The following UGT2A1 variants were observed in gnomAD, a reference collection of about 807,000 sequenced individuals.
UGT2A1 encodes the protein UDP-glucuronosyltransferase 2A1.
UGT2A1 carries 61 observed loss-of-function variants against 45.4 expected under a neutral mutation model. That is an observed-to-expected ratio of 1.34 (90% confidence interval 1.09 to 1.66). The LOEUF (loss-of-function observed/expected upper bound fraction) is 1.66, where lower values mean the gene tolerates loss of function less well. Ranked by LOEUF, UGT2A1 falls within the 40% of genes most tolerant of loss-of-function variation. UGT2A1 has a pLI of 0.00. For missense variants in UGT2A1, 649 were observed against 574.3 expected (o/e 1.13, Z -1.33); for synonymous variants, 229 against 196.2 (o/e 1.17, Z -1.40).
intron 3 of UGT2A1, 85 bp from the exon 4 acceptor site, chr4:69,599,479 T>A (rs566140671): frequency 1.2e-4 from 191 of 1,565,438 alleles, no homozygotes; most frequent in Middle Eastern, 6.9e-4. Flanking sequence ...AATTTCCTGA[T>A]AAGCTGTTAA....
chr4:69,646,835 A>C, intron 2 of UGT2A1, 95 bp downstream of exon 2: 1 of 846,842 alleles, frequency 1.2e-6, no homozygotes, highest in Non-Finnish European at 1.8e-6. Context: ...CAATACTTGG[A>C]ATTAAAAAAG....
At chr4:69,613,966 G>A (rs1720217503) in intron 3 of UGT2A1, among the ~76,000 whole-genome samples, 2 of 152,014 alleles carry the variant, frequency 1.3e-5, no homozygotes, top group Non-Finnish European at 2.9e-5. Flanking sequence ...CATAGTAGTA[G>A]TCCTAGCCAG....
intron 2 of UGT2A1, among the ~76,000 whole-genome samples, chr4:69,640,340 T>C (rs11933160): frequency 0.24 from 36,726 of 151,878 alleles, 4,692 homozygotes; most frequent in African/African-American, 0.27. Flanking sequence ...GGATTAACAA[T>C]AGTATCTGTA....
chr4:69,635,847 A>AAAAAAAAAAT (rs1351077445), intron 2 of UGT2A1, 25 bp from the exon 3 acceptor site: 2 of 136,890 alleles, frequency 1.5e-5, no homozygotes, highest in South Asian at 3.9e-4. Flanking sequence ...AAAAAAAAAA[A>AAAAAAAAAAT]AAAGAGAGAG....
chr4:69,608,056 C>T (rs185508502), intron 3 of UGT2A1, among the ~76,000 whole-genome samples: 16 of 152,210 alleles, frequency 1.1e-4, no homozygotes, highest in African/African-American at 3.9e-4. Flanking sequence ...TTGATCCAGC[C>T]ATCCCATTAC....
At chr4:69,633,229 A>G in intron 3 of UGT2A1, among the ~76,000 whole-genome samples, 1 of 152,184 alleles carries the variant, frequency 6.6e-6, no homozygotes, top group East Asian at 1.9e-4. Context: ...CACTTTATGC[A>G]CTTTTTATCA....
At chr4:69,609,568 T>G (rs1007711109) in intron 3 of UGT2A1, among the ~76,000 whole-genome samples, 1 of 152,120 alleles carries the variant, frequency 6.6e-6, no homozygotes, top group African/African-American at 2.4e-5. Context: ...AGTAAATGAA[T>G]TGAATAGTTT....
chr4:69,594,564 G>A lies in UGT2A1; in HGVS notation c.1217C>T (p.Ala406Val), dbSNP rs2109880028. Reference protein sequence around the residue: ...DQPDNIAHMKAKGAAVEVNLN... With the variant: ...DQPDNIAHMKVKGAAVEVNLN... ...GTTCACTTCCACAGCTGCTCCTTTG[G>A]CCTTCATGTGAGCAATGTTATCAGG... Residue 406 changes from alanine to valine, a missense_variant, in exon 6 of 7, where the codon GCC (alanine) becomes GTC (valine). Ala to Val is a moderately conservative substitution (Grantham distance 64). Coordinates refer to ENST00000286604, the MANE Select transcript of UGT2A1 (RefSeq NM_001252275.3). The A allele has an allele frequency of 1.2e-6, 2 of 1,614,044 alleles. No homozygotes were observed. The highest frequency in any genetic ancestry group is 1.7e-6 in the Non-Finnish European group (2 of 1,180,028).
intron 3 of UGT2A1, among the ~76,000 whole-genome samples, chr4:69,607,211 C>A (rs1472259198): frequency 6.7e-6 from 1 of 149,840 alleles, no homozygotes; most frequent in Non-Finnish European, 1.5e-5. Context: ...GTACTGGTAC[C>A]AAAACAGAGA....
chr4:69,642,215 A>G (rs1297861692), intron 2 of UGT2A1, among the ~76,000 whole-genome samples: 2 of 151,862 alleles, frequency 1.3e-5, no homozygotes, highest in Admixed American at 6.6e-5. Context: ...AGTGGGAGCG[A>G]AAAAGATAGA....
At chr4:69,601,806 C>T (rs1251926544) in intron 3 of UGT2A1, among the ~76,000 whole-genome samples, 1 of 137,558 alleles carries the variant, frequency 7.3e-6, no homozygotes, top group South Asian at 2.4e-4. Flanking sequence ...TTCCCTAGCA[C>T]CAGTCTGGGG....
chr4:69,627,512 A>AATATTTCTTATTTG (rs1721135574), intron 3 of UGT2A1, among the ~76,000 whole-genome samples: 1 of 148,986 alleles, frequency 6.7e-6, no homozygotes, highest in Non-Finnish European at 1.5e-5. Flanking sequence ...AGGAAGGAAA[A>AATATTTCTTATTTG]GAAAGAAAGA....
chr4:69,636,511 A>G (rs1431850043), intron 2 of UGT2A1, among the ~76,000 whole-genome samples: 1 of 148,848 alleles, frequency 6.7e-6, no homozygotes, highest in African/African-American at 2.5e-5. Context: ...CTTAAATGAT[A>G]GAATTTCTGA....
At chr4:69,598,103 T>C (rs888274054) in intron 4 of UGT2A1, among the ~76,000 whole-genome samples, 1 of 152,140 alleles carries the variant, frequency 6.6e-6, no homozygotes, top group Non-Finnish European at 1.5e-5. Context: ...TGTCTTTATT[T>C]AGATATTGGT....
chr4:69,646,940 A>G lies in UGT2A1; in HGVS notation c.705T>C (p.Ser235=), dbSNP rs1722286180. Residue 235 remains serine, a synonymous_variant, in exon 2 of 7, where the codon AGT becomes AGC. Coordinates refer to ENST00000286604, the MANE Select transcript of UGT2A1 (RefSeq NM_001252275.3). ...AAATTTGTTACATACCTAAAGCTTT[A>G]CTATAGTATGAATCCCATGATTTCC... is the stretch of plus-strand genomic sequence containing the variant. ...TLWKSWDSYY[S]KALGGLLLCC... is the part of the protein sequence containing the mutation. 6.3e-7 allele frequency: 1 copy of G among 1,581,462 alleles called. No homozygotes were observed. The highest frequency in any genetic ancestry group is 8.6e-7 in the Non-Finnish European group (1 of 1,167,386).
intron 2 of UGT2A1, among the ~76,000 whole-genome samples, chr4:69,644,417 G>A (rs1037626611): frequency 1.3e-5 from 2 of 151,558 alleles, no homozygotes; most frequent in South Asian, 2.1e-4. Context: ...ACCAAGAGAC[G>A]GTCTATGTAC....
At position 69,646,934 on chromosome 4, in the gene UGT2A1, A is replaced by G. The variant is rs748418790; in HGVS notation, c.711T>C (p.Ala237=). ...WKSWDSYYSK[A]LGGLLLCCPG... is the part of the protein sequence containing the mutation. ...AAAACAAAATTTGTTACATACCTAA[A>G]GCTTTACTATAGTATGAATCCCATG... The change falls in exon 2 of 7, where the codon GCT becomes GCC. Residue 237 remains alanine, a synonymous_variant. Coordinates refer to ENST00000286604, the MANE Select transcript of UGT2A1 (RefSeq NM_001252275.3). The G allele has an allele frequency of 2.6e-6, 4 of 1,563,142 alleles. No homozygotes were observed. The Admixed American group carries it at 6.0e-5, about 23-fold the overall frequency.
rs779686878 is a variant in UGT2A1 at position 69,647,496 on chromosome 4, A to C, written c.149T>G (p.Val50Gly). 1 of 1,613,092 alleles carries C rather than the reference A, an allele frequency of 6.2e-7. No individual in the cohort carries two copies. The highest frequency in any genetic ancestry group is 8.5e-7 in the Non-Finnish European group (1 of 1,179,338). Residue 50 changes from valine to glycine, a missense_variant, in exon 2 of 7, where the codon GTG (valine) becomes GGG (glycine). Coordinates refer to ENST00000286604, the MANE Select transcript of UGT2A1 (RefSeq NM_001252275.3). ...TGCACCAGAGGCAACTAGGACAGTCACATTATGCTCCTTTTTAATGAGCTC... is the reference window on the plus strand; with the variant it reads ...TGCACCAGAGGCAACTAGGACAGTCCCATTATGCTCCTTTTTAATGAGCTC... ...IDELIKKEHNVTVLVASGALF... is the reference protein window; with the variant it reads ...IDELIKKEHNGTVLVASGALF...
At chr4:69,624,719 C>T (rs1720938477) in intron 3 of UGT2A1, among the ~76,000 whole-genome samples, 2 of 151,188 alleles carry the variant, frequency 1.3e-5, no homozygotes, top group Admixed American at 6.6e-5. Context: ...TATCTCTTCC[C>T]AGATTTTGTG....
Sources: allele counts gnomAD v4.1 joint callset (sites outside exome capture counted in the v4.1 genomes callset), GRCh38; gene constraint gnomAD v4.1.1; transcripts MANE v1.5; gene names NCBI Gene and HGNC (gene_info 2026-07-23, HGNC 2026-07-21).